The following STEAP1 variants were observed in gnomAD, a reference collection of about 807,000 sequenced individuals.
The protein encoded by STEAP1 is STEAP family member 1, also known as STEAP1 protein.
Under a neutral mutation model 34.4 loss-of-function variants are expected in STEAP1, and 30 were observed. The observed-to-expected ratio is 0.87, with a 90% CI of 0.65 to 1.18. The LOEUF (loss-of-function observed/expected upper bound fraction) is 1.18, where lower values mean the gene tolerates loss of function less well. Among genes scored for constraint, STEAP1 ranks in the 50% most tolerant of loss-of-function variants. STEAP1 has a pLI of 0.00. For synonymous variants in STEAP1, 116 were observed against 135.3 expected, an observed-to-expected ratio of 0.86 and a Z score of 0.99; for missense variants, 318 against 391.1, an observed-to-expected ratio of 0.81 and a Z score of 1.58.
At position 90,161,307 on chromosome 7, in the gene STEAP1, C is replaced by T; in HGVS notation, c.587C>T (p.Ala196Val). 6.2e-7 allele frequency: 1 copy of T among 1,612,060 alleles called. No homozygotes were observed. The highest frequency in any genetic ancestry group is 8.5e-7 in the Non-Finnish European group (1 of 1,178,660). Residue 196 changes from alanine (A) to valine (V), a missense_variant, in exon 3 of 5, where the codon GCA (alanine) becomes GTA (valine). By Grantham distance (64) the Ala-to-Val change is moderately conservative. Transcript: ENST00000297205. Reference protein sequence around the residue: ...RSYRYKLLNWAYQQVQQNKED... With the variant: ...RSYRYKLLNWVYQQVQQNKED... The stretch of plus-strand genomic sequence containing the variant: ...TACAGATACAAGTTGCTAAACTGGG[C>T]ATATCAACAGGTAAGATGACAGTGT...
chr7:90,160,336 T>G (rs1794167153), intron 2 of STEAP1, among the ~76,000 whole-genome samples: 2 of 152,236 alleles, frequency 1.3e-5, no homozygotes, highest in Admixed American at 1.3e-4. Context: ...AATCTACTTT[T>G]GGATAAGAAT....
intron 4 of STEAP1, chr7:90,162,954 G>A (rs759178962): frequency 8.4e-6 from 3 of 358,520 alleles, no homozygotes; most frequent in East Asian, 1.5e-4. Flanking sequence ...GATTTACTGA[G>A]GTTTATCTTC....
At chr7:90,163,700 G>A (rs11564075) in intron 4 of STEAP1, among the ~76,000 whole-genome samples, 2,074 of 152,248 alleles carry the variant, frequency 0.014, 45 homozygotes, top group African/African-American at 0.047. Flanking sequence ...GTCAGAAGTC[G>A]TATAAAAGAG....
At chr7:90,157,236 G>A (rs1449138636) in intron 1 of STEAP1, among the ~76,000 whole-genome samples, 7 of 152,034 alleles carry the variant, frequency 4.6e-5, no homozygotes, top group Non-Finnish European at 1.0e-4. Flanking sequence ...CTAGTCTCAG[G>A]GGCTCTAAAT....
chr7:90,161,230 T>A lies in STEAP1; in HGVS notation c.510T>A (p.Phe170Leu), dbSNP rs1794182364. ...TRKQFGLLSF[F>L]FAVLHAIYSL... ...AGCAGTTTGGGCTTCTCAGTTTCTT[T>A]TTTGCTGTACTGCATGCAATTTATA... is the stretch of plus-strand genomic sequence containing the variant. Residue 170 changes from phenylalanine to leucine, a missense_variant, in exon 3 of 5, where the codon TTT (phenylalanine) becomes TTA (leucine). Transcript: ENST00000297205. 1 of 1,614,024 alleles carries A rather than the reference T, an allele frequency of 6.2e-7. No individual in the cohort carries two copies. The highest frequency in any genetic ancestry group is 1.7e-5 in the Admixed American group (1 of 60,010).
At chr7:90,164,105 C>T (rs1269551242) in intron 4 of STEAP1, among the ~76,000 whole-genome samples, 1 of 152,054 alleles carries the variant, frequency 6.6e-6, no homozygotes, top group Non-Finnish European at 1.5e-5. Flanking sequence ...AAGACTCAGT[C>T]CCTGATTTTA....
In STEAP1 at chr7:90,164,504, C is replaced by G; in HGVS notation, c.790C>G (p.Leu264Val). Residue 264 changes from leucine (L) to valine (V), a missense_variant, in exon 5 of 5, where the codon CTG (leucine) becomes GTG (valine). Physicochemically the swap from Leu to Val is conservative, Grantham distance 32. Coordinates refer to ENST00000297205, the MANE Select transcript of STEAP1 (RefSeq NM_012449.3). The part of the protein sequence containing the change: ...QSKLGIVSLL[L>V]GTIHALIFAW... ...CAAGCTAGGAATTGTTTCCCTTCTA[C>G]TGGGCACAATACACGCATTGATTTT... The G allele has an allele frequency of 6.2e-7, 1 of 1,609,280 alleles. No homozygotes were observed. The highest frequency in any genetic ancestry group is 1.3e-5 in the African/African-American group (1 of 74,888).
At chr7:90,158,332 A>G (rs985226729) in intron 1 of STEAP1, among the ~76,000 whole-genome samples, 3 of 152,234 alleles carry the variant, frequency 2.0e-5, no homozygotes, top group African/African-American at 7.2e-5. Context: ...TTACTTTATT[A>G]ACTTATTGTT....
intron 1 of STEAP1, among the ~76,000 whole-genome samples, chr7:90,155,707 G>C (rs1382277687): frequency 6.6e-6 from 1 of 152,126 alleles, no homozygotes; most frequent in East Asian, 1.9e-4. Context: ...TTGACTGTGG[G>C]CCACACAGTC....
At position 90,160,815 on chromosome 7, in the gene STEAP1, C is replaced by T. The variant is rs755363804; in HGVS notation, c.95C>T (p.Thr32Met). The T allele has an allele frequency of 2.0e-5, 32 of 1,613,002 alleles. No homozygotes were observed. The highest frequency in any genetic ancestry group is 8.0e-5 in the African/African-American group (6 of 74,906). ...LEEDDYLHKD[T>M]GETSMLKRPV... ...TTCTTTCCTTTGTAGCATAAGGACA[C>T]GGGAGAGACCAGCATGCTAAAAAGA... is the stretch of plus-strand genomic sequence containing the variant. Residue 32 changes from threonine (T) to methionine (M), a missense_variant, in exon 3 of 5, where the codon ACG (threonine) becomes ATG (methionine). Coordinates refer to ENST00000297205, the MANE Select transcript of STEAP1 (RefSeq NM_012449.3).
chr7:90,162,095 A>G lies in STEAP1; in HGVS notation c.762+17A>G, dbSNP rs779292329. The G allele has an allele frequency of 6.3e-7, 1 of 1,580,832 alleles. No homozygotes were observed. Among genetic ancestry groups the G allele is most frequent in the East Asian group, 2.3e-5 (1 of 44,198 alleles). On this transcript the variant is annotated intron_variant, in intron 4 of 4. Coordinates refer to ENST00000297205, the MANE Select transcript of STEAP1 (RefSeq NM_012449.3). The stretch of plus-strand genomic sequence containing the variant: ...TATATTCAGGTAAATAATATATAAA[A>G]TAACCCTAAGAGGTAAATCTTCTTT...
At chr7:90,162,793 G>A (rs1204846222) in intron 4 of STEAP1, among the ~76,000 whole-genome samples, 1 of 152,080 alleles carries the variant, frequency 6.6e-6, no homozygotes. Context: ...GCACTTTCCA[G>A]AAACAAAAAC....
intron 2 of STEAP1, 70 bp from the exon 3 acceptor site, chr7:90,160,735 A>G: frequency 6.5e-7 from 1 of 1,533,336 alleles, no homozygotes; most frequent in Non-Finnish European, 8.8e-7. Context: ...ATTGAGCAAT[A>G]AGTAATTAGT....
rs1423783560 is a variant in STEAP1 at position 90,161,322 on chromosome 7, G to C, written c.597+5G>C. ...CTAAACTGGGCATATCAACAGGTAA[G>C]ATGACAGTGTTGACACTGTTACTAA... On this transcript the variant is annotated splice_donor_5th_base_variant and intron_variant, in intron 3 of 4. Transcript: ENST00000297205. 1 of 1,608,638 alleles carries C rather than the reference G, an allele frequency of 6.2e-7. No individual in the cohort carries two copies. The highest frequency in any genetic ancestry group is 1.3e-5 in the African/African-American group (1 of 74,660).
intron 1 of STEAP1, among the ~76,000 whole-genome samples, chr7:90,156,039 C>T (rs1376986682): frequency 3.3e-5 from 5 of 152,188 alleles, no homozygotes; most frequent in African/African-American, 1.2e-4. Flanking sequence ...CAAGGTTTTT[C>T]AGAGCAGAGG....
rs1794093678 is a variant in STEAP1, at chr7:90,154,551, C to G, written c.-32+8C>G. 1 of 153,552 alleles carries G rather than the reference C, an allele frequency of 6.5e-6. No homozygotes were observed. The highest frequency in any genetic ancestry group is 2.1e-4 in the South Asian group (1 of 4,866). The allele number at this position is 153,552 out of a possible 1,614,324, so 9.5% of individuals were successfully genotyped here. ...AGCTAAGGCGAAGAGTGGGTGAGTCCCTTGAATCGTTCTCACTGGCCGTTT... is the reference window on the plus strand; with the variant it reads ...AGCTAAGGCGAAGAGTGGGTGAGTCGCTTGAATCGTTCTCACTGGCCGTTT... On this transcript the variant is annotated splice_region_variant and intron_variant, in intron 1 of 4. Coordinates refer to ENST00000297205, the MANE Select transcript of STEAP1 (RefSeq NM_012449.3).
intron 2 of STEAP1, 84 bp from the exon 3 acceptor site, chr7:90,160,721 A>C: frequency 6.6e-7 from 1 of 1,523,464 alleles, no homozygotes; most frequent in Non-Finnish European, 8.8e-7. Flanking sequence ...TGAGAAGCAC[A>C]ATGATTGAGC....
Position 90,161,031 on chromosome 7 carries a change from A to C in STEAP1, c.311A>C (p.Gln104Pro). 6.2e-7 allele frequency: 1 copy of C among 1,613,996 alleles called. No individual in the cohort carries two copies. The highest frequency in any genetic ancestry group is 8.5e-7 in the Non-Finnish European group (1 of 1,179,870). The change falls in exon 3 of 5, where the codon CAA becomes CCA. Residue 104 changes from glutamine to proline, a missense_variant. By Grantham distance (76) the Gln-to-Pro change is moderately conservative. Transcript: ENST00000297205. ...CACCCTTTAGCAACTTCCCATCAAC[A>C]ATATTTTTATAAAATTCCAATCCTG... The part of the protein sequence containing the change: ...VIHPLATSHQ[Q>P]YFYKIPILVI...
At chr7:90,158,385 T>C (rs1794140181) in intron 1 of STEAP1, among the ~76,000 whole-genome samples, 1 of 152,250 alleles carries the variant, frequency 6.6e-6, no homozygotes, top group Non-Finnish European at 1.5e-5. Flanking sequence ...CATAGTCACA[T>C]TGTACAGCCA....
Sources: allele counts gnomAD v4.1 joint callset (sites outside exome capture counted in the v4.1 genomes callset), GRCh38; gene constraint gnomAD v4.1.1; transcripts MANE v1.5; gene names NCBI Gene and HGNC (gene_info 2026-07-23, HGNC 2026-07-21).